TRMT11: variants seen among roughly 807,000 people sequenced by gnomAD.
TRMT11 encodes tRNA (guanine(10)-N(2))-methyltransferase TRMT11.
In TRMT11, 53 loss-of-function variants were observed where a neutral mutation model predicts 62.8. That is an observed-to-expected ratio of 0.84 (90% confidence interval 0.68 to 1.06). The LOEUF (loss-of-function observed/expected upper bound fraction) is 1.06. TRMT11 is among the 50% of genes least tolerant of loss of function. The pLI, the probability that TRMT11 is intolerant of heterozygous loss-of-function variation, is 0.00. For missense variants in TRMT11, 556 were observed against 553.4 expected, an observed-to-expected ratio of 1.00 and a Z score of -0.05; for synonymous variants, 188 against 190.3, an observed-to-expected ratio of 0.99 and a Z score of 0.10.
At chr6:125,995,820 G>T in intron 2 of TRMT11, 147 bp from the exon 3 acceptor site, 6 of 613,038 alleles carry the variant, frequency 9.8e-6, no homozygotes, top group South Asian at 3.9e-5. Context: ...TTTACTATTG[G>T]AACGATTTTT....
the TRMT11 span, among the ~76,000 whole-genome samples, chr6:126,245,195 C>A: frequency 6.6e-6 from 1 of 152,014 alleles, no homozygotes; most frequent in Non-Finnish European, 1.5e-5. Context: ...TTGGGTGGAC[C>A]CATGAATGAT....
chr6:126,062,882 T>C (rs191025431), intron 17 of TRMT11, among the ~76,000 whole-genome samples: 3 of 152,330 alleles, frequency 2.0e-5, no homozygotes, highest in Admixed American at 2.0e-4. Context: ...ACAACTAACA[T>C]ATAGCTCCTA....
chr6:126,142,217 G>T, intron 21 of TRMT11, among the ~76,000 whole-genome samples: 1 of 152,010 alleles, frequency 6.6e-6, no homozygotes, highest in East Asian at 1.9e-4. Flanking sequence ...TAATATACTG[G>T]AGAGAGGAGG....
At chr6:126,138,866 G>T (rs1427533649) in intron 21 of TRMT11, among the ~76,000 whole-genome samples, 1 of 151,950 alleles carries the variant, frequency 6.6e-6, no homozygotes, top group African/African-American at 2.4e-5. Flanking sequence ...TAATGCTAGT[G>T]AAGTTGTAGG....
At chr6:125,995,241 G>C (rs1235727448) in intron 2 of TRMT11, among the ~76,000 whole-genome samples, 1 of 152,178 alleles carries the variant, frequency 6.6e-6, no homozygotes, top group Non-Finnish European at 1.5e-5. Flanking sequence ...TTTTATTCCT[G>C]AATGACTTTC....
the TRMT11 span, among the ~76,000 whole-genome samples, chr6:126,210,022 T>C: frequency 6.6e-6 from 1 of 152,220 alleles, no homozygotes; most frequent in African/African-American, 2.4e-5. Flanking sequence ...ATGATTACCA[T>C]CCTGTGATGT....
chr6:126,133,268 A>G (rs148951950), intron 21 of TRMT11, among the ~76,000 whole-genome samples: 5 of 152,158 alleles, frequency 3.3e-5, no homozygotes, highest in Non-Finnish European at 7.4e-5. Flanking sequence ...AACATCTTTT[A>G]AATCTTTATT....
In TRMT11 at chr6:126,039,063, T is replaced by C; in HGVS notation, c.*227T>C. On this transcript the variant is annotated 3_prime_UTR_variant, in exon 13 of 13. Transcript: ENST00000334379. ...TCTTATTTAATGTATATTTGTACTTTCAAGTACTGATGGAGATAGACTCAA... is the reference window on the plus strand; with the variant it reads ...TCTTATTTAATGTATATTTGTACTTCCAAGTACTGATGGAGATAGACTCAA... 3.0e-6 allele frequency: 1 copy of C among 337,876 alleles called. No homozygotes were observed. Among genetic ancestry groups the C allele is most frequent in the Non-Finnish European group, 5.3e-6 (1 of 189,312 alleles). The allele number at this position is 337,876 out of a possible 1,614,324, so 20.9% of individuals were successfully genotyped here. A position where few individuals can be genotyped will look rare whatever the true frequency, so the allele number is the denominator to read the frequency against.
chr6:126,095,004 G>C lies in TRMT11; in HGVS notation c.*1438-17862G>C, dbSNP rs1489311313. Among the ~76,000 whole-genome samples the C allele has an allele frequency of 3.3e-5, 5 of 152,266 alleles. 1 individual carries two copies. In the South Asian group the frequency reaches 6.2e-4, roughly 19 times the overall value. On this transcript the variant is annotated intron_variant and NMD_transcript_variant, in intron 17 of 22. Coordinates refer to the TRMT11 transcript ENST00000648977. ...CTCACTTTCAACTTTCAAGTATGAT[G>C]CTTCTAAAATGTTCATTGTTTTCAT...
At chr6:126,261,521 C>T in the TRMT11 span, among the ~76,000 whole-genome samples, 1 of 151,888 alleles carries the variant, frequency 6.6e-6, no homozygotes, top group South Asian at 2.1e-4. Context: ...TTTCTTATGT[C>T]CCTACATTGA....
intron 17 of TRMT11, among the ~76,000 whole-genome samples, chr6:126,068,613 G>T (rs766977380): frequency 7.2e-5 from 11 of 152,174 alleles, no homozygotes; most frequent in Non-Finnish European, 2.9e-5. Flanking sequence ...CTTTGTGCCA[G>T]TACCACATTG....
intron 17 of TRMT11, among the ~76,000 whole-genome samples, chr6:126,110,197 CT>C (rs1245938468): frequency 6.6e-6 from 1 of 152,008 alleles, no homozygotes; most frequent in Non-Finnish European, 1.5e-5. Flanking sequence ...TTATTATTGG[CT>C]TTTTTGGGGG....
At chr6:126,083,092 T>C (rs1554236156) in intron 17 of TRMT11, among the ~76,000 whole-genome samples, 1 of 152,172 alleles carries the variant, frequency 6.6e-6, no homozygotes, top group Non-Finnish European at 1.5e-5. Flanking sequence ...TAAAAATGGC[T>C]AATGGGTATA....
At chr6:126,122,904 A>C (rs533373732) in intron 21 of TRMT11, among the ~76,000 whole-genome samples, 38 of 152,248 alleles carry the variant, frequency 2.5e-4, no homozygotes, top group African/African-American at 8.7e-4. Flanking sequence ...ATATTGAAGG[A>C]ATTTCTGCAG....
intron 17 of TRMT11, among the ~76,000 whole-genome samples, chr6:126,083,059 T>C (rs140219384): frequency 1.1e-4 from 17 of 152,272 alleles, no homozygotes; most frequent in African/African-American, 3.8e-4. Context: ...AAGACTTGAA[T>C]AGATATTTTT....
intron 21 of TRMT11, among the ~76,000 whole-genome samples, chr6:126,144,293 G>A (rs1364640015): frequency 6.6e-6 from 1 of 152,078 alleles, no homozygotes; most frequent in Admixed American, 6.6e-5. Context: ...ACTTCCACAG[G>A]GCTAACATCC....
chr6:126,258,355 C>T, the TRMT11 span: 1 of 374,986 alleles, frequency 2.7e-6, no homozygotes, highest in South Asian at 2.1e-5. Context: ...GCTGCCAGGG[C>T]CATGTACGTG....
chr6:126,204,543 G>A (rs1778771653), downstream of TRMT11, among the ~76,000 whole-genome samples: 1 of 152,226 alleles, frequency 6.6e-6, no homozygotes, highest in Admixed American at 6.5e-5. Flanking sequence ...GAGGGCAGCA[G>A]CAAGGTTGAA....
chr6:125,994,800 A>G (rs1791212426), intron 2 of TRMT11, among the ~76,000 whole-genome samples: 1 of 152,242 alleles, frequency 6.6e-6, no homozygotes, highest in Non-Finnish European at 1.5e-5. Context: ...GTGCAGCCAT[A>G]AAAAGGAATG....
Sources: gnomAD v4.1 joint callset for allele counts (sites outside exome capture counted in the v4.1 genomes callset) on GRCh38, gnomAD v4.1.1 for gene constraint, MANE v1.5 for transcripts, NCBI Gene and HGNC (gene_info 2026-07-23, HGNC 2026-07-21) for gene names.